NFIA: variants seen among roughly 807,000 people sequenced by gnomAD.
The protein encoded by NFIA is nuclear factor I A, also known as nuclear factor 1 A-type.
A neutral mutation model predicts 62.8 loss-of-function variants in NFIA; 8 were observed. The observed-to-expected ratio is 0.13, with a 90% confidence interval of 0.07 to 0.23. The LOEUF (loss-of-function observed/expected upper bound fraction) is 0.23, where lower values mean the gene tolerates loss of function less well. Ranked by LOEUF, NFIA falls within the 10% of genes least tolerant of loss-of-function variation. The probability of loss-of-function intolerance (pLI) is 1.00; values close to 1 mark genes in which losing one functional copy is unlikely to be tolerated. For missense variants in NFIA, 410 were observed against 642.1 expected (o/e 0.64, Z 3.91); for synonymous variants, 235 against 238.1 (o/e 0.99, Z 0.12).
At chr1:61,351,311 C>G (rs1340229974) in intron 4 of NFIA, among the ~76,000 whole-genome samples, 1 of 152,168 alleles carries the variant, frequency 6.6e-6, no homozygotes, top group Non-Finnish European at 1.5e-5. Context: ...GTGCCTTCCT[C>G]ACTCATCATA....
At chr1:61,146,076 G>A (rs758308369) in intron 2 of NFIA, among the ~76,000 whole-genome samples, 10 of 152,188 alleles carry the variant, frequency 6.6e-5, no homozygotes, top group Middle Eastern at 3.2e-3. Context: ...CCTTCTGTAG[G>A]CTCCAGGGGA....
At chr1:61,397,785 T>C (rs1665354030) in intron 7 of NFIA, among the ~76,000 whole-genome samples, 1 of 152,208 alleles carries the variant, frequency 6.6e-6, no homozygotes, top group Non-Finnish European at 1.5e-5. Context: ...CTGGTCCTTA[T>C]ATTATACTGC....
chr1:61,217,059 T>C (rs1186298058), intron 2 of NFIA, among the ~76,000 whole-genome samples: 6 of 148,792 alleles, frequency 4.0e-5, no homozygotes, highest in Non-Finnish European at 9.0e-5. Flanking sequence ...TTTTTTCTTT[T>C]TTCTTTTTTT....
chr1:61,306,058 G>T (rs923239544), intron 3 of NFIA, among the ~76,000 whole-genome samples: 2 of 151,492 alleles, frequency 1.3e-5, no homozygotes, highest in Non-Finnish European at 2.9e-5. Flanking sequence ...CACCGTGTTA[G>T]CCAGGATGGT....
intron 2 of NFIA, among the ~76,000 whole-genome samples, chr1:61,099,602 A>G (rs1390845966): frequency 2.6e-5 from 4 of 152,126 alleles, no homozygotes; most frequent in Non-Finnish European, 5.9e-5. Flanking sequence ...CAAGTTTTGG[A>G]GAATTTTTCA....
intron 4 of NFIA, among the ~76,000 whole-genome samples, chr1:61,337,843 G>A (rs1661695066): frequency 1.3e-5 from 2 of 152,170 alleles, no homozygotes; most frequent in Non-Finnish European, 1.5e-5. Context: ...TTTCCTCAAA[G>A]TATGAGTGCT....
intron 5 of NFIA, among the ~76,000 whole-genome samples, chr1:61,354,176 A>C (rs958610985): frequency 5.3e-5 from 8 of 152,210 alleles, no homozygotes; most frequent in African/African-American, 1.9e-4. Context: ...TTAAAAGGCC[A>C]GTGTCGTTCT....
At chr1:61,208,747 C>T (rs187151978) in intron 2 of NFIA, among the ~76,000 whole-genome samples, 2 of 152,222 alleles carry the variant, frequency 1.3e-5, no homozygotes, top group Admixed American at 1.3e-4. Flanking sequence ...GCATTTCTTC[C>T]TACTGTTAAT....
intron 7 of NFIA, among the ~76,000 whole-genome samples, chr1:61,396,251 G>T (rs1011851811): frequency 3.3e-5 from 5 of 151,994 alleles, no homozygotes; most frequent in South Asian, 2.1e-4. Flanking sequence ...TTTGTTTGTT[G>T]GTTGGTTTTT....
rs544229193 is a variant in NFIA, at chr1:61,173,515, G to A, written c.559+84835G>A. Among the ~76,000 whole-genome samples the A allele has an allele frequency of 2.0e-5, 3 of 152,164 alleles. No individual in the cohort carries two copies. The South Asian group carries it at 6.2e-4, about 32-fold the overall frequency. On this transcript the variant is annotated intron_variant, in intron 2 of 10. Transcript: ENST00000403491. The stretch of plus-strand genomic sequence containing the variant: ...TGATTCTCCTGCCTCAGCCTCCCGA[G>A]TAGCTGGGATTACAGACATTGCACC...
chr1:61,322,469 C>T (rs944251680), intron 3 of NFIA, among the ~76,000 whole-genome samples: 2 of 152,226 alleles, frequency 1.3e-5, no homozygotes, highest in Admixed American at 6.5e-5. Flanking sequence ...TGCTATTCCA[C>T]GGGTGTGTGC....
At chr1:61,144,140 T>C (rs1273768542) in intron 2 of NFIA, among the ~76,000 whole-genome samples, 1 of 152,234 alleles carries the variant, frequency 6.6e-6, no homozygotes, top group East Asian at 1.9e-4. Context: ...TGCAGATTAA[T>C]AGATCAGTGG....
rs989473769 is a variant in NFIA at position 61,120,729 on chromosome 1, G to T, written c.559+32049G>T. On this transcript the variant is annotated intron_variant, in intron 2 of 10. Transcript: ENST00000403491. ...GAAGTTATTAACAATCTGCAGTTAA[G>T]TCCATTTAAAACTGAAAGTGGCTCT... is the stretch of plus-strand genomic sequence containing the variant. Among the ~76,000 whole-genome samples, 3 of 152,172 alleles carry T rather than the reference G, an allele frequency of 2.0e-5. No individual in the cohort carries two copies. The East Asian group carries it at 5.8e-4, about 29-fold the overall frequency.
At chr1:61,448,843 G>GT (rs896990933) in intron 10 of NFIA, among the ~76,000 whole-genome samples, 16 of 152,324 alleles carry the variant, frequency 1.1e-4, no homozygotes, top group African/African-American at 3.8e-4. Flanking sequence ...GTACTTGGTG[G>GT]TAAGAGAGAC....
rs397740175 is a variant in NFIA at position 61,455,526 on chromosome 1, T to TTTA, written c.*206_*207insTTA. ...TAACCTTTTGGGATTTTTTTTTTTTTAAAATACTTTAGGGACTGTTGTAAT... is the reference window on the plus strand; with the variant it reads ...TAACCTTTTGGGATTTTTTTTTTTTTTTAAAAATACTTTAGGGACTGTTGTAAT... On this transcript the variant is annotated 3_prime_UTR_variant, in exon 11 of 11. Transcript: ENST00000403491. The TTTA allele has an allele frequency of 1.4e-6, 1 of 694,976 alleles. No homozygotes were observed. Among genetic ancestry groups the TTTA allele is most frequent in the Non-Finnish European group, 2.4e-6 (1 of 424,352 alleles). The allele number at this position is 694,976 out of a possible 1,614,324, so 43.1% of individuals were successfully genotyped here. A position where few individuals can be genotyped will look rare whatever the true frequency, so the allele number is the denominator to read the frequency against.
At chr1:61,312,837 A>G (rs1660187942) in intron 3 of NFIA, among the ~76,000 whole-genome samples, 2 of 152,100 alleles carry the variant, frequency 1.3e-5, no homozygotes, top group South Asian at 4.1e-4. Flanking sequence ...CTTTACAATA[A>G]GGGTTATTCT....
Position 61,126,015 on chromosome 1 carries a change from G to A in NFIA, c.559+37335G>A, listed in dbSNP as rs544429101. 4.0e-4 allele frequency among the ~76,000 whole-genome samples: 61 copies of A among 152,202 alleles called. 1 individual carries two copies. In the South Asian group the frequency reaches 0.012, roughly 30 times the overall value. On this transcript the variant is annotated intron_variant, in intron 2 of 10. Coordinates refer to ENST00000403491, the MANE Select transcript of NFIA (RefSeq NM_001134673.4). ...AAGATACTAGAGTAGGTACTTTATC[G>A]CCATCTCATCTGACTTATGTATGAG...
intron 4 of NFIA, among the ~76,000 whole-genome samples, chr1:61,345,512 C>T (rs192190470): frequency 6.6e-4 from 100 of 152,204 alleles, no homozygotes; most frequent in African/African-American, 2.3e-3. Flanking sequence ...TCAGGATTCC[C>T]CAGTGCTCAG....
intron 10 of NFIA, among the ~76,000 whole-genome samples, chr1:61,436,698 A>G (rs1667344987): frequency 6.6e-6 from 1 of 152,152 alleles, no homozygotes. Context: ...ACTTAGGCAC[A>G]TTCTTTGATC....
Sources: allele counts gnomAD v4.1 joint callset (sites outside exome capture counted in the v4.1 genomes callset), GRCh38; gene constraint gnomAD v4.1.1; transcripts MANE v1.5; gene names NCBI Gene and HGNC (gene_info 2026-07-23, HGNC 2026-07-21).